The following MYPN variants were observed in gnomAD, a reference collection of about 807,000 sequenced individuals.
MYPN encodes the protein sarcomeric protein myopalladin, 145 kDa (MYOP).
MYPN carries 63 observed loss-of-function variants against 129.4 expected under a neutral mutation model. That is an observed-to-expected ratio of 0.49 (90% CI 0.40 to 0.60). The LOEUF (loss-of-function observed/expected upper bound fraction) is 0.60, where lower values mean the gene tolerates loss of function less well. Ranked by LOEUF, MYPN falls within the 20% of genes least tolerant of loss-of-function variation. The pLI, the probability that MYPN is intolerant of heterozygous loss-of-function variation, is 0.00. For synonymous variants in MYPN, 629 were observed against 600.9 expected, an observed-to-expected ratio of 1.05 and a Z score of -0.68; for missense variants, 1,596 against 1,635.4, an observed-to-expected ratio of 0.98 and a Z score of 0.42.
chr10:68,177,527 AATG>A (rs2043246272), intron 12 of MYPN, among the ~76,000 whole-genome samples: 1 of 152,196 alleles, frequency 6.6e-6, no homozygotes, highest in African/African-American at 2.4e-5. Flanking sequence ...TGGGAAATAA[AATG>A]ATGATCATAT....
intron 10 of MYPN, among the ~76,000 whole-genome samples, chr10:68,168,040 A>C (rs1184806543): frequency 1.3e-5 from 2 of 152,150 alleles, no homozygotes; most frequent in Non-Finnish European, 2.9e-5. Context: ...CTACGTGAGC[A>C]TCTCCTTGTT....
intron 1 of MYPN, among the ~76,000 whole-genome samples, chr10:68,096,520 C>T (rs1017170678): frequency 2.0e-5 from 3 of 152,176 alleles, no homozygotes; most frequent in African/African-American, 7.2e-5. Flanking sequence ...TGAGATTGTG[C>T]CACTGCCCTC....
At chr10:68,149,969 G>A (rs2042739552) in intron 5 of MYPN, 71 bp from the exon 6 acceptor site, 2 of 1,385,386 alleles carry the variant, frequency 1.4e-6, no homozygotes, top group South Asian at 1.2e-5. Flanking sequence ...AATTCTATAG[G>A]TTTGTTATGT....
In MYPN at chr10:68,158,479, A is replaced by T; in HGVS notation, c.1318-7A>T. On this transcript the variant is annotated splice_polypyrimidine_tract_variant and splice_region_variant and intron_variant, in intron 6 of 19. Coordinates refer to ENST00000358913, the MANE Select transcript of MYPN (RefSeq NM_032578.4). ...TTGTTCTAACTACATTCTTCTTATC[A>T]TTATAGATGCTACAAAATTTGTCAG... 1 of 1,613,274 alleles carries T rather than the reference A, an allele frequency of 6.2e-7. No individual in the cohort carries two copies. The highest frequency in any genetic ancestry group is 8.5e-7 in the Non-Finnish European group (1 of 1,179,312).
intron 2 of MYPN, among the ~76,000 whole-genome samples, chr10:68,133,073 T>C (rs2042434955): frequency 2.1e-5 from 3 of 143,988 alleles, no homozygotes; most frequent in Non-Finnish European, 4.5e-5. Context: ...TCACCCAGGC[T>C]GGAGTGCAGT....
intron 1 of MYPN, among the ~76,000 whole-genome samples, chr10:68,096,626 C>T (rs985616854): frequency 2.0e-4 from 30 of 152,226 alleles, no homozygotes; most frequent in African/African-American, 5.8e-4. Context: ...AAAACATCAC[C>T]GTTCCTTTGT....
At chr10:68,193,304 G>A (rs1371122081) in intron 13 of MYPN, among the ~76,000 whole-genome samples, 1 of 152,002 alleles carries the variant, frequency 6.6e-6, no homozygotes, top group Admixed American at 6.6e-5. Flanking sequence ...TCATTAAATA[G>A]TCACGCTAAA....
chr10:68,121,076 C>T (rs117959789), intron 1 of MYPN, among the ~76,000 whole-genome samples: 8 of 152,224 alleles, frequency 5.3e-5, no homozygotes, highest in African/African-American at 1.7e-4. Context: ...CCCAGGAGCT[C>T]GAGACCAGCC....
intron 1 of MYPN, among the ~76,000 whole-genome samples, chr10:68,095,484 G>A (rs1321440755): frequency 6.6e-6 from 1 of 152,156 alleles, no homozygotes; most frequent in African/African-American, 2.4e-5. Flanking sequence ...GCAGACCAGG[G>A]TCTCCCTGCC....
At chr10:68,118,634 G>T (rs2042191942) in intron 1 of MYPN, among the ~76,000 whole-genome samples, 1 of 152,120 alleles carries the variant, frequency 6.6e-6, no homozygotes, top group Non-Finnish European at 1.5e-5. Flanking sequence ...TTGAGTTGGA[G>T]ACCAGCCTGG....
At chr10:68,094,249 C>T (rs956349585) in intron 1 of MYPN, among the ~76,000 whole-genome samples, 1 of 151,722 alleles carries the variant, frequency 6.6e-6, no homozygotes, top group South Asian at 2.1e-4. Flanking sequence ...AGGTCTCGGC[C>T]TTATTTTATT....
intron 18 of MYPN, among the ~76,000 whole-genome samples, chr10:68,206,536 G>T (rs567318688): frequency 3.3e-5 from 5 of 152,092 alleles, no homozygotes; most frequent in Admixed American, 6.5e-5. Flanking sequence ...GGTGGGGAGC[G>T]CAACTTCAGT....
chr10:68,209,671 C>CTTTTTTTTTTTTTTTTTT (rs35392300), intron 19 of MYPN, among the ~76,000 whole-genome samples: 94 of 131,140 alleles, frequency 7.2e-4, no homozygotes, highest in Middle Eastern at 4.3e-3. Context: ...GAATTCTTTT[C>CTTTTTTTTTTTTTTTTTT]TTTTTTTTTT....
In MYPN at chr10:68,174,305, C is replaced by A; in HGVS notation, c.2213C>A (p.Ala738Asp). Residue 738 changes from alanine to aspartate, a missense_variant, in exon 11 of 20, where the codon GCC becomes GAC. Coordinates refer to ENST00000358913, the MANE Select transcript of MYPN (RefSeq NM_032578.4). ...ACGAACACCACCGCAGCAACTGTGGCCCCTTCCAGCTCTCCGGTGTTCACT... is the reference window on the plus strand; with the variant it reads ...ACGAACACCACCGCAGCAACTGTGGACCCTTCCAGCTCTCCGGTGTTCACT... ...PSTNTTAATV[A>D]PSSSPVFTLS... is the part of the protein sequence containing the mutation. 1 of 1,614,136 alleles carries A rather than the reference C, an allele frequency of 6.2e-7. No homozygotes were observed. Among genetic ancestry groups the A allele is most frequent in the African/African-American group, 1.3e-5 (1 of 75,008 alleles).
intron 2 of MYPN, among the ~76,000 whole-genome samples, chr10:68,139,321 C>G (rs1379829500): frequency 1.3e-5 from 2 of 152,194 alleles, no homozygotes; most frequent in East Asian, 1.9e-4. Context: ...TTGGCTTCTT[C>G]TTTGACTAAT....
intron 1 of MYPN, among the ~76,000 whole-genome samples, chr10:68,113,696 CAAA>C (rs565475209): frequency 7.9e-6 from 1 of 127,350 alleles, no homozygotes; most frequent in Non-Finnish European, 1.7e-5. Context: ...GATCTTGCCT[CAAA>C]AAAAAAAAAA....
chr10:68,103,951 AAAC>A (rs1425458562), upstream of MYPN, among the ~76,000 whole-genome samples: 1 of 152,210 alleles, frequency 6.6e-6, no homozygotes, highest in African/African-American at 2.4e-5. Flanking sequence ...ACTCTGTCTC[AAAC>A]AACAACAAGC....
chr10:68,090,165 G>A (rs972918801), intron 1 of MYPN, among the ~76,000 whole-genome samples: 13 of 151,984 alleles, frequency 8.6e-5, no homozygotes, highest in African/African-American at 3.1e-4. Context: ...ACTACTCAAT[G>A]AACACTTTTT....
Position 68,161,744 on chromosome 10 carries a change from C to T in MYPN, c.1475C>T (p.Ala492Val), listed in dbSNP as rs746010494. 1.9e-5 allele frequency: 31 copies of T among 1,610,326 alleles called. No homozygotes were observed. In the South Asian group the frequency reaches 2.5e-4, roughly 13 times the overall value. Residue 492 changes from alanine to valine, a missense_variant, in exon 8 of 20, where the codon GCA becomes GTA. By Grantham distance (64) the Ala-to-Val change is moderately conservative. Transcript: ENST00000358913. Reference protein sequence around the residue: ...RILQKKPRSMAEPEEICTLVI... With the variant: ...RILQKKPRSMVEPEEICTLVI... ...TTTCTTTTAGAACCTCGATCCATGG[C>T]AGAGCCAGGTAAAGATGATTTCAAC...
Sources: allele counts gnomAD v4.1 joint callset (sites outside exome capture counted in the v4.1 genomes callset), GRCh38; gene constraint gnomAD v4.1.1; transcripts MANE v1.5; gene names NCBI Gene and HGNC (gene_info 2026-07-23, HGNC 2026-07-21).